KDM4C: variants seen among roughly 807,000 people sequenced by gnomAD.
The protein encoded by KDM4C is lysine demethylase 4C, also known as lysine-specific demethylase 4C.
KDM4C carries 81 observed loss-of-function variants against 129.3 expected under a neutral mutation model. The ratio of observed to expected loss-of-function variants is 0.63; its 90% confidence interval spans 0.52 to 0.75. KDM4C has a LOEUF of 0.75. Among genes scored for constraint, KDM4C ranks in the 30% least tolerant of loss-of-function variants. The pLI is 0.00. For synonymous variants in KDM4C, 573 were observed against 456.1 expected, an observed-to-expected ratio of 1.26 and a Z score of -3.26; for missense variants, 1,457 against 1,304.0, an observed-to-expected ratio of 1.12 and a Z score of -1.81.
At chr9:6,722,345 C>T (rs1816983088) in intron 1 of KDM4C, among the ~76,000 whole-genome samples, 1 of 151,974 alleles carries the variant, frequency 6.6e-6, no homozygotes, top group Non-Finnish European at 1.5e-5. Context: ...AAAAGATTTC[C>T]CTGGGTCTGA....
chr9:6,967,322 GC>G (rs1831164082), intron 8 of KDM4C, among the ~76,000 whole-genome samples: 1 of 151,998 alleles, frequency 6.6e-6, no homozygotes, highest in Non-Finnish European at 1.5e-5. Context: ...TACTCGGGGG[GC>G]TGAAGCAGGA....
intron 2 of KDM4C, 83 bp downstream of exon 2, chr9:6,793,215 G>T: frequency 6.8e-7 from 1 of 1,461,868 alleles, no homozygotes; most frequent in Non-Finnish European, 9.3e-7. Context: ...TTGGGACATT[G>T]TTTCTGAAGG....
intron 8 of KDM4C, among the ~76,000 whole-genome samples, chr9:6,946,244 T>TA (rs1826945713): frequency 6.6e-6 from 1 of 152,164 alleles, no homozygotes; most frequent in Non-Finnish European, 1.5e-5. Context: ...GAAAGTAAGA[T>TA]ATGTAAAGTG....
chr9:6,785,011 G>C (rs1825171038), intron 1 of KDM4C, among the ~76,000 whole-genome samples: 1 of 152,156 alleles, frequency 6.6e-6, no homozygotes, highest in Non-Finnish European at 1.5e-5. Flanking sequence ...TGGAGAACGT[G>C]GTCCTCTTCT....
intron 5 of KDM4C, among the ~76,000 whole-genome samples, chr9:6,870,851 G>C (rs908241364): frequency 6.6e-6 from 1 of 152,092 alleles, no homozygotes; most frequent in Admixed American, 6.6e-5. Flanking sequence ...TATAGGGCAG[G>C]CTTGTTTTAG....
At chr9:7,047,449 C>A (rs146116831) in intron 16 of KDM4C, among the ~76,000 whole-genome samples, 1 of 151,882 alleles carries the variant, frequency 6.6e-6, no homozygotes, top group Non-Finnish European at 1.5e-5. Context: ...TGAAGAGAGT[C>A]TTGAAAGAGA....
chr9:6,849,345 A>G (rs1838410951), intron 4 of KDM4C, among the ~76,000 whole-genome samples, 162 bp from the exon 5 acceptor site: 1 of 152,218 alleles, frequency 6.6e-6, no homozygotes, highest in East Asian at 1.9e-4. Context: ...TAATGGACAT[A>G]TGTATGTGGC....
At chr9:6,844,198 G>T (rs1403756135) in intron 4 of KDM4C, among the ~76,000 whole-genome samples, 1 of 152,010 alleles carries the variant, frequency 6.6e-6, no homozygotes, top group Non-Finnish European at 1.5e-5. Context: ...ACGTTGGATT[G>T]AGTCTTCTCT....
chr9:7,056,310 T>C (rs769638809), intron 17 of KDM4C, among the ~76,000 whole-genome samples: 2 of 151,208 alleles, frequency 1.3e-5, no homozygotes, highest in Non-Finnish European at 2.9e-5. Flanking sequence ...TCAACATACA[T>C]ATGTCTCCAG....
chr9:6,812,009 T>C (rs1831242932), intron 3 of KDM4C, among the ~76,000 whole-genome samples: 1 of 152,334 alleles, frequency 6.6e-6, no homozygotes, highest in South Asian at 2.1e-4. Context: ...TAATATTTGT[T>C]TAATATATTT....
intron 1 of KDM4C, among the ~76,000 whole-genome samples, chr9:6,789,974 G>A (rs1166056641): frequency 6.6e-6 from 1 of 151,702 alleles, no homozygotes; most frequent in Non-Finnish European, 1.5e-5. Context: ...TGAGATAGAT[G>A]CTCATTTAAA....
intron 8 of KDM4C, among the ~76,000 whole-genome samples, chr9:6,899,381 C>G (rs1816985909): frequency 6.6e-6 from 1 of 151,912 alleles, no homozygotes; most frequent in African/African-American, 2.4e-5. Flanking sequence ...TTTAAGGAAA[C>G]CCAGGCAACC....
intron 1 of KDM4C, among the ~76,000 whole-genome samples, chr9:6,749,614 G>A (rs1474914546): frequency 3.9e-5 from 6 of 151,962 alleles, no homozygotes; most frequent in African/African-American, 1.2e-4. Context: ...GCTGCAATGA[G>A]CTATGATTGC....
intron 17 of KDM4C, among the ~76,000 whole-genome samples, chr9:7,085,333 C>G (rs1361005937): frequency 6.6e-6 from 1 of 152,216 alleles, no homozygotes; most frequent in Non-Finnish European, 1.5e-5. Flanking sequence ...AATTCCCATT[C>G]TAAGATTTTT....
chr9:7,134,218 G>T (rs1342721226), intron 19 of KDM4C, among the ~76,000 whole-genome samples: 6 of 152,168 alleles, frequency 3.9e-5, no homozygotes, highest in African/African-American at 1.4e-4. Flanking sequence ...TTTCTATCTT[G>T]ACTGTGGAGT....
chr9:6,890,786 G>A (rs1462107223), intron 7 of KDM4C, among the ~76,000 whole-genome samples: 1 of 152,142 alleles, frequency 6.6e-6, no homozygotes, highest in African/African-American at 2.4e-5. Context: ...GGTGAGTTTT[G>A]TTTCATTACG....
chr9:6,865,096 C>T (rs12380722), intron 5 of KDM4C, among the ~76,000 whole-genome samples: 30,736 of 149,668 alleles, frequency 0.21, 4,004 homozygotes, highest in Middle Eastern at 0.39. Flanking sequence ...GCAAGCTCTG[C>T]CTCCCGGGTT....
rs557473162 is a variant in KDM4C at position 7,110,150 on chromosome 9, G to A, written c.2610+6280G>A. 3.3e-5 allele frequency among the ~76,000 whole-genome samples: 5 copies of A among 152,058 alleles called. No individual in the cohort carries two copies. The South Asian group carries it at 1.0e-3, about 32-fold the overall frequency. The stretch of plus-strand genomic sequence containing the variant: ...CTTTGAAACTATCTTTGTTTTTTTC[G>A]CAGTGGGAAATGCCAAAGTTATCTT... On this transcript the variant is annotated intron_variant, in intron 18 of 21. Transcript: ENST00000381309.
chr9:7,010,810 G>T (rs964838400), intron 12 of KDM4C, among the ~76,000 whole-genome samples: 1 of 152,170 alleles, frequency 6.6e-6, no homozygotes, highest in East Asian at 1.9e-4. Context: ...TTGGGAGGCT[G>T]AGGTGGGTGG....
Sources: gnomAD v4.1 joint callset for allele counts (sites outside exome capture counted in the v4.1 genomes callset) on GRCh38, gnomAD v4.1.1 for gene constraint, MANE v1.5 for transcripts, NCBI Gene and HGNC (gene_info 2026-07-23, HGNC 2026-07-21) for gene names.